ALS2: variants seen among roughly 807,000 people sequenced by gnomAD.
ALS2 encodes alsin.
ALS2 carries 117 observed loss-of-function variants against 203.4 expected under a neutral mutation model. That is an observed-to-expected ratio of 0.58 (90% CI 0.50 to 0.67). The LOEUF (loss-of-function observed/expected upper bound fraction) is 0.67, where lower values mean the gene tolerates loss of function less well. Among genes scored for constraint, ALS2 ranks in the 30% least tolerant of loss-of-function variants. The probability of loss-of-function intolerance (pLI) is 0.00; values close to 1 mark genes in which losing one functional copy is unlikely to be tolerated. For missense variants in ALS2, 1,715 were observed against 1,989.4 expected, an observed-to-expected ratio of 0.86 and a Z score of 2.62; for synonymous variants, 718 against 725.9, an observed-to-expected ratio of 0.99 and a Z score of 0.17.
At chr2:201,769,960 A>G (rs968532096) in intron 1 of ALS2, among the ~76,000 whole-genome samples, 1 of 152,266 alleles carries the variant, frequency 6.6e-6, no homozygotes, top group African/African-American at 2.4e-5. Context: ...CTTATTTTAG[A>G]AAGATTATGA....
rs898549941 is a variant in ALS2 at position 201,725,363 on chromosome 2, C to T, written c.3340G>A (p.Val1114Ile). 1.9e-6 allele frequency: 3 copies of T among 1,613,478 alleles called. No individual in the cohort carries two copies. The highest frequency in any genetic ancestry group is 1.1e-5 in the South Asian group (1 of 91,072). The change falls in exon 20 of 34, where the codon GTC becomes ATC. Residue 1114 changes from valine (V) to isoleucine (I), a missense_variant. Val to Ile is a conservative substitution (Grantham distance 29, BLOSUM62 3). Around this residue, in one of 3 missense-constraint regions of ALS2, gnomAD observed 1,227 missense variants for 1,413.5 expected, o/e 0.87. Transcript: ENST00000264276. ...WKEGKMCGQG[V>I]YSYASGEVFE... ...CAGCCTTTCCAATGTTACCTGTAGA[C>T]TCCTTGACCGCACATTTTTCCTTCT...
rs370952806 is a variant in ALS2 at position 201,724,283 on chromosome 2, A to G, written c.3512+12T>C. On this transcript the variant is annotated intron_variant, in intron 21 of 33. Coordinates refer to ENST00000264276, the MANE Select transcript of ALS2 (RefSeq NM_020919.4). Reference sequence around the variant, plus strand: ...TGGCTTAAACTGTGGGAATAGAAGGAGAATACTGTACCTAGTGATATCATC... The same window carrying G: ...TGGCTTAAACTGTGGGAATAGAAGGGGAATACTGTACCTAGTGATATCATC... 2 of 1,611,306 alleles carry G rather than the reference A, an allele frequency of 1.2e-6. No individual in the cohort carries two copies. The highest frequency in any genetic ancestry group is 1.3e-5 in the African/African-American group (1 of 74,998).
chr2:201,719,365 C>G (rs1275686681), intron 23 of ALS2, among the ~76,000 whole-genome samples: 1 of 152,082 alleles, frequency 6.6e-6, no homozygotes, highest in Admixed American at 6.5e-5. Context: ...CCAAGGTGGG[C>G]AGATCATGAG....
rs1450344301 is a variant in ALS2 at position 201,709,933 on chromosome 2, C to G, written c.4228G>C (p.Glu1410Gln). ...GVGANRRLLQ[E>Q]AVKEIKSYLK... The stretch of plus-strand genomic sequence containing the variant: ...TAGGACTTAATCTCCTTTACAGCCT[C>G]CTGCAATAACCTGCGGTTGGCTCCT... Residue 1410 changes from glutamate to glutamine, a missense_variant, in exon 27 of 34, where the codon GAG (glutamate) becomes CAG (glutamine). Physicochemically the swap from Glu to Gln is conservative, Grantham distance 29. This residue lies in a region of ALS2 where 1,227 missense variants were observed against 1,413.5 expected (regional missense o/e 0.87). Transcript: ENST00000264276. 6.2e-7 allele frequency: 1 copy of G among 1,614,040 alleles called. No homozygotes were observed. The highest frequency in any genetic ancestry group is 1.3e-5 in the African/African-American group (1 of 74,926).
rs763479747 is a variant in ALS2 at position 201,726,801 on chromosome 2, G to A, written c.3045C>T (p.Pro1015=). ...DQALRGMSDL[P]PYGSGSSVQR... is the part of the protein sequence containing the mutation. ...GAACACTGCTACCACTTCCATAAGG[G>A]GGGAGATCAGACATCCCTCTCAAAG... Residue 1015 remains proline, a synonymous_variant, in exon 18 of 34, where the codon CCC becomes CCT. Coordinates refer to ENST00000264276, the MANE Select transcript of ALS2 (RefSeq NM_020919.4). 1.2e-6 allele frequency: 2 copies of A among 1,614,110 alleles called. No individual in the cohort carries two copies. The highest frequency in any genetic ancestry group is 1.7e-6 in the Non-Finnish European group (2 of 1,180,010).
rs2105957580 is a variant in ALS2, at chr2:201,700,520, G to A, written c.*1331C>T. On this transcript the variant is annotated 3_prime_UTR_variant, in exon 34 of 34. Coordinates refer to ENST00000264276, the MANE Select transcript of ALS2 (RefSeq NM_020919.4). ...TTCCTTTCATCTTTTAGGCTGCCCTGTTCATTTCTTCTACAATCATAAAAC... is the reference window on the plus strand; with the variant it reads ...TTCCTTTCATCTTTTAGGCTGCCCTATTCATTTCTTCTACAATCATAAAAC... 6.5e-6 allele frequency: 1 copy of A among 152,722 alleles called. No homozygotes were observed. The highest frequency in any genetic ancestry group is 1.9e-4 in the East Asian group (1 of 5,184). The allele number at this position is 152,722 out of a possible 1,614,324, so 9.5% of individuals were successfully genotyped here.
At chr2:201,772,850 A>ATTTTTTTTTTTTTTTTTTTTTT (rs578253808) in intron 1 of ALS2, among the ~76,000 whole-genome samples, 2 of 108,848 alleles carry the variant, frequency 1.8e-5, no homozygotes, top group Non-Finnish European at 1.7e-5. Flanking sequence ...TGCTTTCATG[A>ATTTTTTTTTTTTTTTTTTTTTT]TTTTTTTTTT....
chr2:201,773,151 C>A lies in ALS2; in HGVS notation c.-60-4206G>T, dbSNP rs149187026. Among the ~76,000 whole-genome samples the A allele has an allele frequency of 5.3e-5, 8 of 152,180 alleles. No individual in the cohort carries two copies. In the East Asian group the frequency reaches 1.5e-3, roughly 29 times the overall value. On this transcript the variant is annotated intron_variant, in intron 1 of 33. Transcript: ENST00000264276. ...CTGGGATTACAGGCGTGAGCCAATGCGAAGGGCCAATGATTTATTTCAATG... is the reference window on the plus strand; with the variant it reads ...CTGGGATTACAGGCGTGAGCCAATGAGAAGGGCCAATGATTTATTTCAATG...
At chr2:201,749,991 G>C (rs1244751703) in intron 7 of ALS2, among the ~76,000 whole-genome samples, 1 of 151,972 alleles carries the variant, frequency 6.6e-6, no homozygotes, top group African/African-American at 2.4e-5. Context: ...TAGAGTCTTG[G>C]TACATAAGAA....
In ALS2 at chr2:201,726,754, G is replaced by A; in HGVS notation, c.3092C>T (p.Ser1031Leu). Residue 1031 changes from serine (S) to leucine (L), a missense_variant, in exon 18 of 34, where the codon TCA becomes TTA. Ser to Leu is a moderately radical substitution (Grantham distance 145). Around this residue, in one of 3 missense-constraint regions of ALS2, gnomAD observed 1,227 missense variants for 1,413.5 expected, o/e 0.87. Transcript: ENST00000264276. The stretch of plus-strand genomic sequence containing the variant: ...GTAGAAAGTATATTTGGCACTGCGT[G>A]AAATGGGTGGTTCCTGTCTCTGAAC... ...SSVQRQEPPI[S>L]RSAKYTFYKD... The A allele has an allele frequency of 6.2e-7, 1 of 1,614,190 alleles. No individual in the cohort carries two copies. The highest frequency in any genetic ancestry group is 8.5e-7 in the Non-Finnish European group (1 of 1,180,028).
chr2:201,774,440 T>G (rs1363365881), intron 1 of ALS2, among the ~76,000 whole-genome samples: 1 of 152,260 alleles, frequency 6.6e-6, no homozygotes, highest in Admixed American at 6.5e-5. Context: ...CTTCACAGTA[T>G]GCATGTTGTA....
At chr2:201,710,910 G>T in intron 26 of ALS2, 81 bp downstream of exon 26, 3 of 892,210 alleles carry the variant, frequency 3.4e-6, no homozygotes, top group Non-Finnish European at 5.7e-6. Flanking sequence ...ATAACATTAA[G>T]CTGTGAGTCT....
In ALS2 at chr2:201,746,715, C is replaced by A; in HGVS notation, c.1849G>T (p.Ala617Ser). 6.2e-7 allele frequency: 1 copy of A among 1,614,160 alleles called. No individual in the cohort carries two copies. The highest frequency in any genetic ancestry group is 8.5e-7 in the Non-Finnish European group (1 of 1,180,044). ...SSENGVWSIAAGRDYSLFLVD... is the reference protein window; with the variant it reads ...SSENGVWSIASGRDYSLFLVD... Reference sequence around the variant, plus strand: ...AAAAACAGGGAATAATCCCTGCCTGCAGCTATGCTCCAGACTCCATTTTCA... The same window carrying A: ...AAAAACAGGGAATAATCCCTGCCTGAAGCTATGCTCCAGACTCCATTTTCA... The change falls in exon 9 of 34, where the codon GCA becomes TCA. Residue 617 changes from alanine to serine, a missense_variant. Around this residue, in one of 3 missense-constraint regions of ALS2, gnomAD observed 1,227 missense variants for 1,413.5 expected, o/e 0.87. Transcript: ENST00000264276.
chr2:201,727,777 T>G lies in ALS2; in HGVS notation c.2842-2A>C. 1 of 1,551,638 alleles carries G rather than the reference T, an allele frequency of 6.4e-7. No individual in the cohort carries two copies. Among genetic ancestry groups the G allele is most frequent in the Non-Finnish European group, 8.7e-7 (1 of 1,146,948 alleles). ...AGGGAAAACATGGTGCGTGGAGAAC[T>G]GAAACAGAGAACACGGAGGCACTTT... On this transcript the variant is annotated splice_acceptor_variant, in intron 15 of 33. Transcript: ENST00000264276. LOFTEE classifies it high-confidence loss of function.
At chr2:201,726,319 T>C (rs1412579862) in intron 19 of ALS2, among the ~76,000 whole-genome samples, 165 bp downstream of exon 19, 4 of 152,210 alleles carry the variant, frequency 2.6e-5, no homozygotes, top group African/African-American at 9.6e-5. Flanking sequence ...AATCAGAGGC[T>C]GTACCCCTCA....
At chr2:201,749,823 T>C (rs780837636) in intron 7 of ALS2, 34 bp from the exon 8 acceptor site, 1 of 1,566,296 alleles carries the variant, frequency 6.4e-7, no homozygotes, top group Admixed American at 1.7e-5. Context: ...AGCTAAGCGT[T>C]GTGAATCTGA....
rs765097904 is a variant in ALS2, at chr2:201,724,382, T to C, written c.3425A>G (p.Lys1142Arg). Residue 1142 changes from lysine to arginine, a missense_variant, in exon 21 of 34, where the codon AAA becomes AGA. Transcript: ENST00000264276. ...RHGHGLLRSGKLTSSSPSMFI... is the reference protein window; with the variant it reads ...RHGHGLLRSGRLTSSSPSMFI... ...CATACTAGGAGAAGAGGACGTCAAT[T>C]TCCCACTTCGTAGAAGACCATGACC... is the stretch of plus-strand genomic sequence containing the variant. 3.7e-6 allele frequency: 6 copies of C among 1,613,758 alleles called. No homozygotes were observed. Among genetic ancestry groups the C allele is most frequent in the Non-Finnish European group, 5.1e-6 (6 of 1,179,686 alleles).
intron 7 of ALS2, among the ~76,000 whole-genome samples, chr2:201,752,877 A>T (rs1693151566): frequency 6.6e-6 from 1 of 152,226 alleles, no homozygotes; most frequent in African/African-American, 2.4e-5. Flanking sequence ...AGAACACATT[A>T]TAGAAAGCTC....
chr2:201,727,339 C>A, intron 16 of ALS2, 61 bp from the exon 17 acceptor site: 3 of 1,334,764 alleles, frequency 2.2e-6, no homozygotes, highest in Non-Finnish European at 3.2e-6. Context: ...CAGTATCGAT[C>A]CTCAAATATG....
Sources: allele counts gnomAD v4.1 joint callset (sites outside exome capture counted in the v4.1 genomes callset), GRCh38; gene constraint gnomAD v4.1.1; regional missense constraint gnomAD v4.1.1; transcripts MANE v1.5; gene names NCBI Gene and HGNC (gene_info 2026-07-23, HGNC 2026-07-21).